Variants in CNTN5 observed in about 807,000 individuals in gnomAD.
The protein encoded by CNTN5 is contactin 5.
In CNTN5, 77 loss-of-function variants were observed where a neutral mutation model predicts 129.1. That is an observed-to-expected ratio of 0.60 (90% confidence interval 0.50 to 0.72). The LOEUF (loss-of-function observed/expected upper bound fraction) is 0.72. Among genes scored for constraint, CNTN5 ranks in the 30% least tolerant of loss-of-function variants. CNTN5 has a pLI of 0.00. For missense variants in CNTN5, 1,478 were observed against 1,328.8 expected (o/e 1.11, Z -1.75); for synonymous variants, 509 against 465.6 (o/e 1.09, Z -1.20).
chr11:99,918,387 G>T (rs1949848901), intron 7 of CNTN5, among the ~76,000 whole-genome samples: 1 of 152,088 alleles, frequency 6.6e-6, no homozygotes, highest in Non-Finnish European at 1.5e-5. Flanking sequence ...TATACAGACT[G>T]CTGTCAATTT....
chr11:99,920,098 G>A (rs1289613222), intron 7 of CNTN5, among the ~76,000 whole-genome samples: 1 of 152,078 alleles, frequency 6.6e-6, no homozygotes, highest in Non-Finnish European at 1.5e-5. Context: ...ATATTGCTGA[G>A]TAGTATTTCA....
chr11:99,227,824 T>A (rs1860772170), intron 1 of CNTN5, among the ~76,000 whole-genome samples: 1 of 152,206 alleles, frequency 6.6e-6, no homozygotes, highest in Non-Finnish European at 1.5e-5. Context: ...GGATATGTGA[T>A]ACTAATGTTT....
intron 2 of CNTN5, among the ~76,000 whole-genome samples, chr11:99,409,253 A>G (rs1031644994): frequency 2.6e-5 from 4 of 152,214 alleles, no homozygotes; most frequent in Non-Finnish European, 5.9e-5. Flanking sequence ...TCACGAGGTC[A>G]GGAGATCGAG....
chr11:99,253,692 T>A (rs1425391032), intron 1 of CNTN5, among the ~76,000 whole-genome samples: 1 of 151,782 alleles, frequency 6.6e-6, no homozygotes, highest in Non-Finnish European at 1.5e-5. Flanking sequence ...GATAGCATTA[T>A]CCCTCGTTGC....
intron 17 of CNTN5, among the ~76,000 whole-genome samples, chr11:100,261,391 C>T (rs1950193108): frequency 6.6e-6 from 1 of 152,118 alleles, no homozygotes; most frequent in Non-Finnish European, 1.5e-5. Context: ...TTAATAGATT[C>T]AATGCTCTCC....
At chr11:99,323,965 A>C (rs1865676970) in intron 1 of CNTN5, among the ~76,000 whole-genome samples, 2 of 152,158 alleles carry the variant, frequency 1.3e-5, no homozygotes, top group Admixed American at 6.5e-5. Flanking sequence ...GACAAAAAGG[A>C]ATCTATAGTT....
intron 7 of CNTN5, among the ~76,000 whole-genome samples, chr11:99,917,551 G>T (rs1949825808): frequency 6.6e-6 from 1 of 151,996 alleles, no homozygotes; most frequent in African/African-American, 2.4e-5. Context: ...AGGAGAAAGA[G>T]AATATAACAG....
chr11:99,640,456 A>G (rs899759155), intron 3 of CNTN5, among the ~76,000 whole-genome samples: 2 of 152,192 alleles, frequency 1.3e-5, no homozygotes, highest in Non-Finnish European at 1.5e-5. Context: ...CTTATTCACT[A>G]CCATGAGAAT....
intron 2 of CNTN5, among the ~76,000 whole-genome samples, chr11:99,375,396 A>C (rs540239482): frequency 6.6e-6 from 1 of 151,592 alleles, no homozygotes; most frequent in Admixed American, 6.6e-5. Flanking sequence ...GGAGTGAAAT[A>C]TTTGATGTGA....
At chr11:99,553,903 G>A (rs1221327704) in intron 2 of CNTN5, among the ~76,000 whole-genome samples, 2 of 151,242 alleles carry the variant, frequency 1.3e-5, no homozygotes, top group African/African-American at 4.9e-5. Flanking sequence ...TATGTTGTGT[G>A]TATTTAAGAA....
rs1183196472 is a variant in CNTN5 at position 99,422,841 on chromosome 11, G to A, written c.-71+97357G>A. Among the ~76,000 whole-genome samples the A allele has an allele frequency of 2.6e-5, 4 of 152,016 alleles. No homozygotes were observed. The South Asian group carries it at 8.3e-4, about 31-fold the overall frequency. ...TAAGAGTAGTTTGAACAAGGGGTAA[G>A]TTTGAGATTTTTGCAGACTAATAAG... On this transcript the variant is annotated intron_variant, in intron 2 of 24. Transcript: ENST00000524871.
chr11:99,030,615 T>A (rs188073522), intron 1 of CNTN5, among the ~76,000 whole-genome samples: 36 of 152,298 alleles, frequency 2.4e-4, no homozygotes, highest in Admixed American at 1.0e-3. Context: ...ATAATGTCTT[T>A]TGAATCCTGT....
rs183607686 is a variant in CNTN5 at position 99,929,698 on chromosome 11, C to A, written c.673+13549C>A. On this transcript the variant is annotated intron_variant, in intron 7 of 24. Coordinates refer to ENST00000524871, the MANE Select transcript of CNTN5 (RefSeq NM_014361.4). The stretch of plus-strand genomic sequence containing the variant: ...ATGAGAACAGCATGAGGGTAACTGC[C>A]CCCGTGATTAAATTATCCTCCACTG... Among the ~76,000 whole-genome samples the A allele has an allele frequency of 9.2e-5, 14 of 152,208 alleles. 1 individual carries two copies. The East Asian group carries it at 2.7e-3, about 30-fold the overall frequency.
intron 3 of CNTN5, among the ~76,000 whole-genome samples, chr11:99,576,617 A>G (rs990354137): frequency 1.3e-5 from 2 of 152,228 alleles, no homozygotes; most frequent in Admixed American, 1.3e-4. Context: ...TTGGGCTGCT[A>G]TAACAAAATA....
intron 6 of CNTN5, among the ~76,000 whole-genome samples, chr11:99,913,467 A>G (rs1342357471): frequency 2.0e-5 from 3 of 152,042 alleles, no homozygotes; most frequent in Non-Finnish European, 4.4e-5. Flanking sequence ...AAATCTACTC[A>G]CAATATAAAA....
intron 18 of CNTN5, 21 bp downstream of exon 18, chr11:100,271,262 G>C (rs201457268): frequency 1.3e-6 from 2 of 1,578,402 alleles, no homozygotes; most frequent in African/African-American, 1.4e-5. Flanking sequence ...GGAAGAGTCA[G>C]ATTGGATTTG....
At chr11:100,051,649 GATA>G (rs1308330450) in intron 9 of CNTN5, among the ~76,000 whole-genome samples, 10 of 151,696 alleles carry the variant, frequency 6.6e-5, no homozygotes, top group African/African-American at 2.4e-4. Flanking sequence ...AAAATGGACA[GATA>G]ATAAGGAAAA....
At chr11:100,257,227 C>T (rs928965578) in intron 17 of CNTN5, among the ~76,000 whole-genome samples, 4 of 152,118 alleles carry the variant, frequency 2.6e-5, no homozygotes, top group Admixed American at 2.0e-4. Context: ...AGCCAGACTG[C>T]CTCTCTAGAT....
intron 12 of CNTN5, among the ~76,000 whole-genome samples, chr11:100,073,368 T>G (rs1198450618): frequency 6.6e-6 from 1 of 152,086 alleles, no homozygotes; most frequent in African/African-American, 2.4e-5. Flanking sequence ...TTTTAAAAAA[T>G]CTCTTAACCT....
Sources: allele counts gnomAD v4.1 joint callset (sites outside exome capture counted in the v4.1 genomes callset), GRCh38; gene constraint gnomAD v4.1.1; transcripts MANE v1.5; gene names NCBI Gene and HGNC (gene_info 2026-07-23, HGNC 2026-07-21).